ACOT9: variants seen among roughly 807,000 people sequenced by gnomAD.
ACOT9 encodes the protein acyl-CoA thioesterase 9.
A neutral mutation model predicts 39.7 loss-of-function variants in ACOT9; 34 were observed. The ratio of observed to expected loss-of-function variants is 0.86; its 90% CI spans 0.65 to 1.14. The LOEUF (loss-of-function observed/expected upper bound fraction) is 1.14, where lower values mean the gene tolerates loss of function less well. ACOT9 is among the 50% of genes most tolerant of loss of function. The pLI is 0.00. For synonymous variants in ACOT9, 110 were observed against 120.5 expected (o/e 0.91, Z 0.57); for missense variants, 313 against 344.1 (o/e 0.91, Z 0.71).
chrX:23,708,638 G>A (rs1318479813), intron 9 of ACOT9, among the ~76,000 whole-genome samples: 1 of 111,629 alleles, frequency 9.0e-6, no homozygotes, highest in African/African-American at 3.2e-5. Context: ...TAAAGAAACA[G>A]GATAACCAAA....
At position 23,702,647 on chromosome X, in the gene ACOT9, C is replaced by T. The variant is rs1928522440; in HGVS notation, c.*1247G>A. ...CTTGCTCTATTCCTTGGAAGAAGTA[C>T]AGGCACTGGTCAAGAGTGCCCGGGA... On this transcript the variant is annotated 3_prime_UTR_variant, in exon 16 of 16. Coordinates refer to ENST00000379303, the MANE Select transcript of ACOT9 (RefSeq NM_001037171.2). 8.9e-6 allele frequency: 1 copy of T among 111,753 alleles called. No individual in the cohort carries two copies. Among genetic ancestry groups the T allele is most frequent in the Admixed American group, 9.6e-5 (1 of 10,395 alleles). 9.2% of individuals were successfully genotyped at this position (111,753 alleles called of 1,213,427 possible). A position where few individuals can be genotyped will look rare whatever the true frequency, so the allele number is the denominator to read the frequency against.
chrX:23,717,899 C>T, intron 8 of ACOT9, among the ~76,000 whole-genome samples: 1 of 110,980 alleles, frequency 9.0e-6, no homozygotes, highest in East Asian at 2.8e-4. Flanking sequence ...ACCAGCCTGG[C>T]CAAGATGGTG....
rs1031148416 is a variant in ACOT9, at chrX:23,726,828, G to A, written c.400+3699C>T. ...ACTACAGGCACATGCCACTACACCCGGCTAATTTTTGTGTTTTTGAGACAG... is the reference window on the plus strand; with the variant it reads ...ACTACAGGCACATGCCACTACACCCAGCTAATTTTTGTGTTTTTGAGACAG... On this transcript the variant is annotated intron_variant, in intron 6 of 15. Coordinates refer to ENST00000379303, the MANE Select transcript of ACOT9 (RefSeq NM_001037171.2). 3.6e-5 allele frequency among the ~76,000 whole-genome samples: 4 copies of A among 110,829 alleles called. No individual in the cohort carries two copies. The East Asian group carries it at 8.5e-4, about 23-fold the overall frequency.
chrX:23,712,364 C>A (rs1928927801), intron 9 of ACOT9, among the ~76,000 whole-genome samples: 2 of 98,476 alleles, frequency 2.0e-5, no homozygotes, highest in African/African-American at 7.7e-5. Context: ...GAGATCCCAC[C>A]ATTGCACTCC....
chrX:23,707,690 T>C (rs1188421875), intron 10 of ACOT9, 187 bp downstream of exon 10: 2 of 308,560 alleles, frequency 6.5e-6, no homozygotes, highest in Admixed American at 6.0e-5. Context: ...TGAGCCGAGA[T>C]GGCACCACTG....
At chrX:23,723,847 A>C (rs1204477104) in intron 6 of ACOT9, among the ~76,000 whole-genome samples, 5 of 111,773 alleles carry the variant, frequency 4.5e-5, no homozygotes, top group African/African-American at 1.3e-4. Context: ...GATGGCTCCA[A>C]CCTATGGCAA....
At chrX:23,718,318 C>T (rs1187909924) in intron 8 of ACOT9, among the ~76,000 whole-genome samples, 1 of 111,476 alleles carries the variant, frequency 9.0e-6, no homozygotes, top group Admixed American at 9.6e-5. Flanking sequence ...TCTATGCAAA[C>T]CAGAGGCAGA....
intron 8 of ACOT9, among the ~76,000 whole-genome samples, chrX:23,717,268 C>A (rs946202681): frequency 9.0e-6 from 1 of 111,030 alleles, no homozygotes; most frequent in African/African-American, 3.3e-5. Context: ...GAGATTGGAG[C>A]CGTGAGCCAC....
At chrX:23,708,471 G>A (rs1013930798) in intron 9 of ACOT9, among the ~76,000 whole-genome samples, 79 of 109,302 alleles carry the variant, frequency 7.2e-4, no homozygotes, top group African/African-American at 2.5e-3. Flanking sequence ...TGGAGGTTGC[G>A]GTGAGCCGAG....
chrX:23,705,049 C>G lies in ACOT9; in HGVS notation c.1051G>C (p.Asp351His). ...GSRPFVVAVDDIMFQKPVEVG... is the reference protein window; with the variant it reads ...GSRPFVVAVDHIMFQKPVEVG... Reference sequence around the variant, plus strand: ...TCAACAGGTTTCTGAAACATGATGTCATCTACTGCTACCACAAACGGTCGA... The same window carrying G: ...TCAACAGGTTTCTGAAACATGATGTGATCTACTGCTACCACAAACGGTCGA... The change falls in exon 14 of 16, where the codon GAC becomes CAC. Residue 351 changes from aspartate to histidine, a missense_variant. Transcript: ENST00000379303. 1 of 1,211,454 alleles carries G rather than the reference C, an allele frequency of 8.3e-7. No individual in the cohort carries two copies. Among genetic ancestry groups the G allele is most frequent in the Non-Finnish European group, 1.1e-6 (1 of 895,413 alleles).
chrX:23,723,050 A>G, intron 6 of ACOT9, among the ~76,000 whole-genome samples: 1 of 111,800 alleles, frequency 8.9e-6, no homozygotes, highest in East Asian at 2.8e-4. Context: ...TGCCCAAATC[A>G]GAGTAAGAAC....
chrX:23,733,350 T>C (rs1019712312), intron 3 of ACOT9, 133 bp from the exon 4 acceptor site: 13 of 553,594 alleles, frequency 2.3e-5, no homozygotes, highest in Admixed American at 2.0e-4. Context: ...TTCCATTTAA[T>C]GCCACAACAA....
chrX:23,732,048 A>C (rs977414919), intron 4 of ACOT9, among the ~76,000 whole-genome samples: 5 of 111,906 alleles, frequency 4.5e-5, no homozygotes, highest in African/African-American at 1.3e-4. Flanking sequence ...AGAATGTGGA[A>C]CATTCTCAAG....
chrX:23,717,556 GAAT>G (rs1929127052), intron 8 of ACOT9, among the ~76,000 whole-genome samples: 1 of 111,321 alleles, frequency 9.0e-6, no homozygotes, highest in Non-Finnish European at 1.9e-5. Flanking sequence ...TGTGGGTGAT[GAAT>G]TTGCAAGACC....
rs1929862781 is a variant in ACOT9 at position 23,734,364 on chromosome X, C to T, written c.122G>A (p.Cys41Tyr). 2.5e-6 allele frequency: 3 copies of T among 1,183,949 alleles called. No homozygotes were observed. The highest frequency in any genetic ancestry group is 3.5e-5 in the African/African-American group (2 of 56,448). ...ACCATGATTCACATGTATAGATGAA[C>T]ATGCTATATGAATAAAGGGAAAATC... Reference protein sequence around the residue: ...KQGIFHIHEACSSIHVNHVRD... With the variant: ...KQGIFHIHEAYSSIHVNHVRD... Residue 41 changes from cysteine to tyrosine, a missense_variant, in exon 3 of 16, where the codon TGT becomes TAT. Coordinates refer to ENST00000379303, the MANE Select transcript of ACOT9 (RefSeq NM_001037171.2).
chrX:23,735,805 G>T (rs1474184319), intron 2 of ACOT9, 114 bp downstream of exon 2: 1 of 558,387 alleles, frequency 1.8e-6, no homozygotes, highest in African/African-American at 2.3e-5. Flanking sequence ...GTTTATGAAA[G>T]ATCTACCTTT....
chrX:23,708,572 T>C (rs1156915306), intron 9 of ACOT9, among the ~76,000 whole-genome samples: 1 of 110,064 alleles, frequency 9.1e-6, no homozygotes, highest in Admixed American at 9.7e-5. Flanking sequence ...AAAACTGGCT[T>C]GAACTCTTTA....
At chrX:23,717,281 C>T (rs1438396140) in intron 8 of ACOT9, among the ~76,000 whole-genome samples, 2 of 111,376 alleles carry the variant, frequency 1.8e-5, no homozygotes, top group Non-Finnish European at 3.8e-5. Context: ...TGAGCCACTG[C>T]ACCTGGGCTA....
intron 2 of ACOT9, among the ~76,000 whole-genome samples, chrX:23,735,598 G>C (rs1356014624): frequency 9.0e-6 from 1 of 111,100 alleles, no homozygotes; most frequent in Non-Finnish European, 1.9e-5. Flanking sequence ...TGGACTAGGA[G>C]TGTTTACTTG....
Sources: allele counts gnomAD v4.1 joint callset (sites outside exome capture counted in the v4.1 genomes callset), GRCh38; gene constraint gnomAD v4.1.1; transcripts MANE v1.5; gene names NCBI Gene and HGNC (gene_info 2026-07-23, HGNC 2026-07-21).